Variants in APBB1 observed in about 807,000 individuals in gnomAD.
The protein encoded by APBB1 is amyloid beta precursor protein binding family B member 1, also known as adaptor protein FE65a2.
Under a neutral mutation model 78.4 loss-of-function variants are expected in APBB1, and 22 were observed. The observed-to-expected ratio is 0.28, with a 90% CI of 0.20 to 0.40. The LOEUF (loss-of-function observed/expected upper bound fraction) is 0.40. Ranked by LOEUF, APBB1 falls within the 10% of genes least tolerant of loss-of-function variation. APBB1 has a pLI of 1.00. For missense variants in APBB1, 749 were observed against 932.4 expected (o/e 0.80, Z 2.56); for synonymous variants, 369 against 372.7 (o/e 0.99, Z 0.12).
intron 1 of APBB1, among the ~76,000 whole-genome samples, chr11:6,412,326 T>C (rs1331407392): frequency 6.6e-6 from 1 of 152,192 alleles, no homozygotes; most frequent in Non-Finnish European, 1.5e-5. Flanking sequence ...GTAATTTTTG[T>C]ATTTTTAGTA....
rs1437989288 is a variant in APBB1 at position 6,395,526 on chromosome 11, G to C, written c.*8C>G. The C allele has an allele frequency of 6.5e-7, 1 of 1,539,082 alleles. No individual in the cohort carries two copies. The highest frequency in any genetic ancestry group is 2.3e-5 in the East Asian group (1 of 43,948). On this transcript the variant is annotated 3_prime_UTR_variant, in exon 15 of 15. Coordinates refer to ENST00000609360, the MANE Select transcript of APBB1 (RefSeq NM_001164.5). The surrounding 1 kb of genome is among the most constrained non-coding windows in gnomAD (Gnocchi z 5.2). ...ACACAAGCAGGTGGAGGGAAGGTGG[G>C]GGCTTCTTCATGGGGTATGGGCCCC...
chr11:6,416,481 G>A (rs900624028), intron 1 of APBB1, among the ~76,000 whole-genome samples: 1 of 152,168 alleles, frequency 6.6e-6, no homozygotes, highest in African/African-American at 2.4e-5. Context: ...CCACTTGGAT[G>A]TCTCAAGCTA....
At chr11:6,400,929 G>T (rs117210486) in intron 12 of APBB1, 60 bp downstream of exon 12, 52,431 of 1,484,706 alleles carry the variant, frequency 0.035, 1,217 homozygotes, top group Middle Eastern at 0.081. Context: ...GAAGGCAGAG[G>T]GTAGGGGCAG....
In APBB1 at chr11:6,403,462, G is replaced by T; in HGVS notation, c.954+26C>A. 1 of 1,614,082 alleles carries T rather than the reference G, an allele frequency of 6.2e-7. No individual in the cohort carries two copies. Among genetic ancestry groups the T allele is most frequent in the Non-Finnish European group, 8.5e-7 (1 of 1,179,924 alleles). On this transcript the variant is annotated intron_variant, in intron 4 of 14. Coordinates refer to ENST00000609360, the MANE Select transcript of APBB1 (RefSeq NM_001164.5). This position sits in a 1 kb window ranked among gnomAD's most constrained non-coding sequence, Gnocchi z 5.3. ...ATGATGCCCCTCCTCCAGCTATCCC[G>T]TGGTAAAGCAGGTCCCCTTACCCAC...
At chr11:6,410,301 A>G (rs12290398) in intron 2 of APBB1, among the ~76,000 whole-genome samples, 4,303 of 152,258 alleles carry the variant, frequency 0.028, 208 homozygotes, top group African/African-American at 0.098. Context: ...AATCATCATA[A>G]TATTTACCTC....
intron 2 of APBB1, among the ~76,000 whole-genome samples, chr11:6,407,218 C>T (rs1215214467): frequency 6.6e-6 from 1 of 152,196 alleles, no homozygotes; most frequent in Non-Finnish European, 1.5e-5. Flanking sequence ...GGCTGGCCCC[C>T]ACCTCTATCC....
At position 6,402,031 on chromosome 11, in the gene APBB1, A is replaced by C. The variant is rs1368504588; in HGVS notation, c.1383-49T>G. The C allele has an allele frequency of 3.1e-6, 5 of 1,605,592 alleles. No individual in the cohort carries two copies. In the South Asian group the frequency reaches 5.5e-5, roughly 18 times the overall value. ...GCAAATAACAGAGTTAGAGAGGAGGACTCTGATGCTGGATGAACTCCCACC... is the reference window on the plus strand; with the variant it reads ...GCAAATAACAGAGTTAGAGAGGAGGCCTCTGATGCTGGATGAACTCCCACC... On this transcript the variant is annotated intron_variant, in intron 8 of 14. Transcript: ENST00000609360.
chr11:6,404,981 G>T (rs1241546612), intron 2 of APBB1: 4 of 1,433,828 alleles, frequency 2.8e-6, no homozygotes, highest in Non-Finnish European at 3.6e-6. Flanking sequence ...GAGGGGCCAG[G>T]ACCACCATGC....
In APBB1 at chr11:6,402,687, G is replaced by C. The variant is rs748061701; in HGVS notation, c.1143C>G (p.Thr381=). 2 of 1,614,124 alleles carry C rather than the reference G, an allele frequency of 1.2e-6. No homozygotes were observed. Among genetic ancestry groups the C allele is most frequent in the Non-Finnish European group, 8.5e-7 (1 of 1,180,010 alleles). ...TGCGTCCAGGGGCCAGCTCCTCCTC[G>C]GTCATCTCTACCCAGCCTAGGGAGC... ...AVRSLGWVEM[T]EEELAPGRSS... The change falls in exon 7 of 15, where the codon ACC becomes ACG. Residue 381 remains threonine (T), a synonymous_variant. Coordinates refer to ENST00000609360, the MANE Select transcript of APBB1 (RefSeq NM_001164.5).
At position 6,395,185 on chromosome 11, in the gene APBB1, G is replaced by C; in HGVS notation, c.*349C>G. The C allele has an allele frequency of 3.9e-6, 1 of 255,562 alleles. No individual in the cohort carries two copies. Among genetic ancestry groups the C allele is most frequent in the South Asian group, 1.0e-4 (1 of 9,714 alleles). 15.8% of individuals were successfully genotyped at this position (255,562 alleles called of 1,614,324 possible). A position where few individuals can be genotyped will look rare whatever the true frequency, so the allele number is the denominator to read the frequency against. ...AGCAGAGGTGCCCATGGAGCAGGGG[G>C]AAGGGACCCATGCCTGGACCAGTCC... is the stretch of plus-strand genomic sequence containing the variant. On this transcript the variant is annotated 3_prime_UTR_variant, in exon 15 of 15. Transcript: ENST00000609360. The surrounding 1 kb of genome is among the most constrained non-coding windows in gnomAD (Gnocchi z 5.2).
At chr11:6,416,194 C>T (rs545698878) in intron 1 of APBB1, among the ~76,000 whole-genome samples, 9 of 152,124 alleles carry the variant, frequency 5.9e-5, no homozygotes, top group Non-Finnish European at 1.3e-4. Flanking sequence ...CTCATCTCCA[C>T]ACTCCTCATC....
In APBB1 at chr11:6,401,917, G is replaced by T. The variant is rs371178760; in HGVS notation, c.1388+60C>A. On this transcript the variant is annotated intron_variant, in intron 9 of 14. Coordinates refer to ENST00000609360, the MANE Select transcript of APBB1 (RefSeq NM_001164.5). The surrounding 1 kb of genome is among the most constrained non-coding windows in gnomAD (Gnocchi z 4.5). Reference sequence around the variant, plus strand: ...TGGGAAGGGGCAGGGCAGAAGAGGGGAGCTTGGGTGCTTCCAGGCATCTGG... The same window carrying T: ...TGGGAAGGGGCAGGGCAGAAGAGGGTAGCTTGGGTGCTTCCAGGCATCTGG... 1 of 1,551,356 alleles carries T rather than the reference G, an allele frequency of 6.4e-7. No individual in the cohort carries two copies. Among genetic ancestry groups the T allele is most frequent in the Admixed American group, 1.8e-5 (1 of 56,720 alleles).
intron 1 of APBB1, among the ~76,000 whole-genome samples, chr11:6,412,108 T>A (rs1480907768): frequency 1.3e-5 from 2 of 152,222 alleles, no homozygotes; most frequent in Non-Finnish European, 2.9e-5. Context: ...GCCTTTCCCC[T>A]GGGCCCCTCA....
chr11:6,413,486 G>A lies in APBB1; in HGVS notation c.-14-2125C>T, dbSNP rs573272468. Among the ~76,000 whole-genome samples the A allele has an allele frequency of 4.6e-5, 7 of 152,244 alleles. No individual in the cohort carries two copies. The South Asian group carries it at 8.3e-4, about 18-fold the overall frequency. ...CTGAGCACAGGTCTTGCAGCTACCT[G>A]AGCAGGGCTTGCCCATCTCTCCAGG... is the stretch of plus-strand genomic sequence containing the variant. On this transcript the variant is annotated intron_variant, in intron 1 of 14. Transcript: ENST00000609360.
intron 2 of APBB1, among the ~76,000 whole-genome samples, chr11:6,406,549 G>A (rs1487183989): frequency 1.3e-5 from 2 of 152,122 alleles, no homozygotes; most frequent in African/African-American, 4.8e-5. Context: ...CCTCTTAATT[G>A]TTTTGTCACT....
At chr11:6,410,061 G>A (rs1157532328) in intron 2 of APBB1, among the ~76,000 whole-genome samples, 6 of 150,562 alleles carry the variant, frequency 4.0e-5, no homozygotes, top group African/African-American at 1.2e-4. Context: ...GCAGACTGGC[G>A]ACAGAGTGAG....
intron 2 of APBB1, among the ~76,000 whole-genome samples, chr11:6,408,984 T>A (rs1452168762): frequency 6.6e-6 from 1 of 152,068 alleles, no homozygotes; most frequent in Non-Finnish European, 1.5e-5. Context: ...TATTAAAGAA[T>A]TATTATTAAA....
chr11:6,402,836 C>G lies in APBB1; in HGVS notation c.1105-111G>C, dbSNP rs986367765. 3.7e-6 allele frequency: 5 copies of G among 1,369,512 alleles called. No homozygotes were observed. The African/African-American group carries it at 7.7e-5, about 21-fold the overall frequency. The allele number at this position is 1,369,512 out of a possible 1,614,324, so 84.8% of individuals were successfully genotyped here. ...GGTGTTCTGAACTAAGACGGAGAAG[C>G]TCCCCAAACAGGATGTGGTTAGGGA... On this transcript the variant is annotated intron_variant, in intron 6 of 14. Transcript: ENST00000609360.
At chr11:6,399,095 C>T (rs191765591) in intron 12 of APBB1, among the ~76,000 whole-genome samples, 158 of 152,314 alleles carry the variant, frequency 1.0e-3, no homozygotes, top group Middle Eastern at 6.8e-3. Flanking sequence ...GCAGTTTCAT[C>T]CTCTACACAT....
Sources: gnomAD v4.1 joint callset for allele counts (sites outside exome capture counted in the v4.1 genomes callset) on GRCh38, gnomAD v4.1.1 for gene constraint, Gnocchi (gnomAD v3.1) non-coding constraint, MANE v1.5 for transcripts, NCBI Gene and HGNC (gene_info 2026-07-23, HGNC 2026-07-21) for gene names.